Variants in GRIK1 observed in about 807,000 individuals in gnomAD.
GRIK1 encodes glutamate receptor ionotropic, kainate 1.
GRIK1 carries 69 observed loss-of-function variants against 105.7 expected under a neutral mutation model. The observed-to-expected ratio is 0.65, with a 90% CI of 0.54 to 0.80. The LOEUF (loss-of-function observed/expected upper bound fraction) is 0.80. Ranked by LOEUF, GRIK1 falls within the 30% of genes least tolerant of loss-of-function variation. The pLI is 0.00. For synonymous variants in GRIK1, 438 were observed against 431.3 expected (o/e 1.02, Z -0.19); for missense variants, 1,109 against 1,167.3 (o/e 0.95, Z 0.73).
At chr21:29,577,817 G>T (rs1374327747) in intron 13 of GRIK1, among the ~76,000 whole-genome samples, 3 of 152,058 alleles carry the variant, frequency 2.0e-5, no homozygotes, top group South Asian at 2.1e-4. Context: ...GCATAATTTT[G>T]TACTTCAATA....
intron 16 of GRIK1, chr21:29,553,543 T>C: frequency 6.5e-7 from 1 of 1,543,246 alleles, no homozygotes; most frequent in Non-Finnish European, 8.7e-7. Context: ...TTTTTTTTTT[T>C]TTTTAAACTG....
intron 1 of GRIK1, among the ~76,000 whole-genome samples, chr21:29,738,660 A>G (rs573746902): frequency 6.6e-6 from 1 of 152,338 alleles, no homozygotes; most frequent in African/African-American, 2.4e-5. Flanking sequence ...TCTGTGGAGG[A>G]ACTATATTTC....
chr21:29,812,386 G>A (rs2067035213), intron 1 of GRIK1, among the ~76,000 whole-genome samples: 1 of 152,120 alleles, frequency 6.6e-6, no homozygotes, highest in Non-Finnish European at 1.5e-5. Context: ...AAGCATATAT[G>A]AACATAAATG....
At chr21:29,764,240 T>A (rs1483599969) in intron 1 of GRIK1, among the ~76,000 whole-genome samples, 3 of 152,238 alleles carry the variant, frequency 2.0e-5, no homozygotes, top group South Asian at 2.1e-4. Flanking sequence ...GCATGGGAGG[T>A]GAAAACATTA....
chr21:29,635,129 A>G (rs369541257), intron 7 of GRIK1, among the ~76,000 whole-genome samples: 3 of 152,304 alleles, frequency 2.0e-5, no homozygotes, highest in African/African-American at 7.2e-5. Context: ...TACTGAGGGG[A>G]TGAGGTCTTA....
Position 29,765,729 on chromosome 21 carries a change from A to G in GRIK1, c.119-71666T>C, listed in dbSNP as rs145548873. ...AATCCCTCCCTCTGACAAATACAGC[A>G]AACTGGGTTATATTGTCCACCTGCA... On this transcript the variant is annotated intron_variant, in intron 1 of 17. Coordinates refer to ENST00000327783, the MANE Select transcript of GRIK1 (RefSeq NM_001330994.2). Among the ~76,000 whole-genome samples, 141 of 152,264 alleles carry G rather than the reference A, an allele frequency of 9.3e-4. 1 individual carries two copies. Among genetic ancestry groups the G allele is most frequent in the Non-Finnish European group, 1.7e-3 (113 of 68,012 alleles).
chr21:29,791,887 C>T (rs2066428541), intron 1 of GRIK1, among the ~76,000 whole-genome samples: 2 of 152,148 alleles, frequency 1.3e-5, no homozygotes, highest in African/African-American at 4.8e-5. Context: ...CCTATGTATT[C>T]ATGATACTAT....
intron 1 of GRIK1, among the ~76,000 whole-genome samples, chr21:29,909,474 G>C (rs978092635): frequency 6.6e-6 from 1 of 151,430 alleles, no homozygotes; most frequent in Non-Finnish European, 1.5e-5. Context: ...ATAATTAATA[G>C]AATATTTAAT....
At chr21:29,818,478 C>T (rs2067212822) in intron 1 of GRIK1, among the ~76,000 whole-genome samples, 1 of 151,996 alleles carries the variant, frequency 6.6e-6, no homozygotes, top group South Asian at 2.1e-4. Context: ...TCTTCCTATC[C>T]CAGCTTTGAC....
Position 29,651,128 on chromosome 21 carries a change from C to T in GRIK1, c.944G>A (p.Gly315Asp), listed in dbSNP as rs757575068. Residue 315 changes from glycine (G) to aspartate (D), a missense_variant, in exon 6 of 18, where the codon GGC (glycine) becomes GAC (aspartate). Coordinates refer to ENST00000327783, the MANE Select transcript of GRIK1 (RefSeq NM_001330994.2). ...TTGAAAATGACTTACTGTCATCATG[C>T]CATCCAAAAGGCCAGTCTCGGGCCT... ...PPRPETGLLD[G>D]MMTTEAALMY... 1 of 1,606,472 alleles carries T rather than the reference C, an allele frequency of 6.2e-7. No homozygotes were observed. The highest frequency in any genetic ancestry group is 8.5e-7 in the Non-Finnish European group (1 of 1,177,352).
At chr21:29,764,439 T>C (rs2065607582) in intron 1 of GRIK1, among the ~76,000 whole-genome samples, 1 of 152,190 alleles carries the variant, frequency 6.6e-6, no homozygotes. Flanking sequence ...TTAACAGCAT[T>C]AGTGTACCCA....
At chr21:29,589,517 G>A (rs990275652) in intron 10 of GRIK1, among the ~76,000 whole-genome samples, 1 of 151,834 alleles carries the variant, frequency 6.6e-6, no homozygotes, top group African/African-American at 2.4e-5. Flanking sequence ...CACCTCCCGG[G>A]TTCAAGCCTT....
chr21:29,741,827 T>C (rs1205370214), intron 1 of GRIK1, among the ~76,000 whole-genome samples: 3 of 152,230 alleles, frequency 2.0e-5, no homozygotes, highest in South Asian at 2.1e-4. Flanking sequence ...AGAAAATTGA[T>C]TGCCGTTGTT....
chr21:29,837,540 G>A (rs1224545325), intron 1 of GRIK1, among the ~76,000 whole-genome samples: 1 of 152,042 alleles, frequency 6.6e-6, no homozygotes, highest in Non-Finnish European at 1.5e-5. Flanking sequence ...AACCACCAAT[G>A]GGGGGGAATG....
chr21:29,615,977 C>G (rs994219673), intron 7 of GRIK1, among the ~76,000 whole-genome samples: 3 of 152,304 alleles, frequency 2.0e-5, no homozygotes, highest in Middle Eastern at 3.4e-3. Flanking sequence ...TAACAGTACA[C>G]CTGTTCTATT....
At chr21:29,615,278 A>G (rs1472744400) in intron 7 of GRIK1, among the ~76,000 whole-genome samples, 1 of 151,364 alleles carries the variant, frequency 6.6e-6, no homozygotes, top group Non-Finnish European at 1.5e-5. Context: ...TGCATTCACC[A>G]TTTGCCTTCA....
intron 1 of GRIK1, among the ~76,000 whole-genome samples, chr21:29,790,513 C>T (rs1354760810): frequency 6.6e-6 from 1 of 151,550 alleles, no homozygotes; most frequent in East Asian, 1.9e-4. Context: ...TGAAATGCAG[C>T]AGTGCAATCA....
At chr21:29,645,216 T>G (rs1601358187) in intron 6 of GRIK1, among the ~76,000 whole-genome samples, 1 of 152,144 alleles carries the variant, frequency 6.6e-6, no homozygotes, top group Non-Finnish European at 1.5e-5. Context: ...TGTAGAGAGG[T>G]AGAATAACTT....
At chr21:29,588,797 C>T (rs919463955) in intron 11 of GRIK1, 42 bp downstream of exon 11, 13 of 1,045,430 alleles carry the variant, frequency 1.2e-5, no homozygotes, top group Non-Finnish European at 1.9e-5. Flanking sequence ...CTTACTTTCT[C>T]TTATGCATAT....
Sources: allele counts gnomAD v4.1 joint callset (sites outside exome capture counted in the v4.1 genomes callset), GRCh38; gene constraint gnomAD v4.1.1; transcripts MANE v1.5; gene names NCBI Gene and HGNC (gene_info 2026-07-23, HGNC 2026-07-21).